PPP2R1A: variants seen among roughly 807,000 people sequenced by gnomAD.
PPP2R1A encodes the protein protein phosphatase 2 scaffold subunit Aalpha.
A neutral mutation model predicts 67.1 loss-of-function variants in PPP2R1A; 15 were observed. The ratio of observed to expected loss-of-function variants is 0.22; its 90% CI spans 0.15 to 0.34. The LOEUF is 0.34. PPP2R1A is among the 10% of genes least tolerant of loss of function. The pLI is 1.00. For synonymous variants in PPP2R1A, 337 were observed against 325.0 expected, an observed-to-expected ratio of 1.04 and a Z score of -0.40; for missense variants, 369 against 775.0, an observed-to-expected ratio of 0.48 and a Z score of 6.22.
At chr19:52,190,219 T>A (rs764514613) in intron 1 of PPP2R1A, 45 bp downstream of exon 1, 2 of 1,538,638 alleles carry the variant, frequency 1.3e-6, no homozygotes, top group South Asian at 2.4e-5. Flanking sequence ...GAGGGGTACC[T>A]GGGGGCACGG....
chr19:52,208,575 C>T (rs1338479480), intron 3 of PPP2R1A, among the ~76,000 whole-genome samples: 3 of 152,186 alleles, frequency 2.0e-5, no homozygotes, highest in East Asian at 1.9e-4. Flanking sequence ...TCTCAGCTCA[C>T]TGCAGCCTCT....
chr19:52,193,988 C>G (rs890352908), intron 1 of PPP2R1A, among the ~76,000 whole-genome samples: 5 of 150,296 alleles, frequency 3.3e-5, no homozygotes, highest in African/African-American at 1.2e-4. Context: ...ATGACACAGG[C>G]CTTGGTCCCA....
In PPP2R1A at chr19:52,228,535, A is replaced by C. The variant is rs936908125; in HGVS notation, c.*2554A>C. ...AAGTCCATTGTTAGGAGTGGTTCCT[A>C]ATCTCCCAGGCTGCAGGCTTTGTTT... On this transcript the variant is annotated 3_prime_UTR_variant, in exon 15 of 15. Coordinates refer to ENST00000322088, the MANE Select transcript of PPP2R1A (RefSeq NM_014225.6). 11 of 152,206 alleles carry C rather than the reference A, an allele frequency of 7.2e-5. No individual in the cohort carries two copies. The highest frequency in any genetic ancestry group is 7.2e-4 in the Admixed American group (11 of 15,274). 9.4% of individuals were successfully genotyped at this position (152,206 alleles called of 1,614,324 possible).
intron 3 of PPP2R1A, among the ~76,000 whole-genome samples, chr19:52,207,579 A>G (rs769447050): frequency 6.6e-6 from 1 of 152,234 alleles, no homozygotes; most frequent in African/African-American, 2.4e-5. Context: ...GTCAGCCAGC[A>G]GACACATCCT....
At chr19:52,198,754 A>T (rs990835528) in intron 1 of PPP2R1A, among the ~76,000 whole-genome samples, 2 of 152,142 alleles carry the variant, frequency 1.3e-5, no homozygotes, top group African/African-American at 4.8e-5. Context: ...GCCTGGCTTC[A>T]TTGCTTTCCA....
chr19:52,203,732 G>A (rs1178912709), intron 2 of PPP2R1A, among the ~76,000 whole-genome samples: 1 of 152,144 alleles, frequency 6.6e-6, no homozygotes, highest in African/African-American at 2.4e-5. Flanking sequence ...AGATCCCACA[G>A]ATTGATAGCT....
Position 52,211,836 on chromosome 19 carries a change from C to T in PPP2R1A, c.503+344C>T, listed in dbSNP as rs1451294323. 3.1e-6 allele frequency: 1 copy of T among 322,250 alleles called. No individual in the cohort carries two copies. The highest frequency in any genetic ancestry group is 2.2e-5 in the African/African-American group (1 of 46,366). 20.0% of individuals were successfully genotyped at this position (322,250 alleles called of 1,614,324 possible). On this transcript the variant is annotated intron_variant, in intron 4 of 14. Transcript: ENST00000322088. This position sits in a 1 kb window ranked among gnomAD's most constrained non-coding sequence, Gnocchi z 5.3. ...TTCAGCAACTTACATCTGATGGTAT[C>T]TCCAGCCTGTCCCAGGTCCAGTGCC...
chr19:52,215,753 C>A, intron 6 of PPP2R1A, 26 bp from the exon 7 acceptor site: 1 of 1,598,696 alleles, frequency 6.3e-7, no homozygotes, highest in Non-Finnish European at 8.6e-7. Context: ...CCCTCTCACT[C>A]TCCCCCTCCT....
At chr19:52,221,258 T>G in intron 12 of PPP2R1A, 125 bp downstream of exon 12, 1 of 1,360,546 alleles carries the variant, frequency 7.3e-7, no homozygotes, top group Non-Finnish European at 1.0e-6. Flanking sequence ...GTGCATCTTC[T>G]ATCCAGAGAT....
chr19:52,226,485 G>A lies in PPP2R1A; in HGVS notation c.*504G>A, dbSNP rs375942130. The A allele has an allele frequency of 3.8e-5, 9 of 239,828 alleles. No homozygotes were observed. Among genetic ancestry groups the A allele is most frequent in the Admixed American group, 5.3e-5 (1 of 18,814 alleles). 14.9% of individuals were successfully genotyped at this position (239,828 alleles called of 1,614,324 possible). A position where few individuals can be genotyped will look rare whatever the true frequency, so the allele number is the denominator to read the frequency against. ...ACCACCCCAGAGCCACAACATCTGCGCTTTTCTCTGGAGAAGATCTTGTTA... is the reference window on the plus strand; with the variant it reads ...ACCACCCCAGAGCCACAACATCTGCACTTTTCTCTGGAGAAGATCTTGTTA... On this transcript the variant is annotated 3_prime_UTR_variant, in exon 15 of 15. Coordinates refer to ENST00000322088, the MANE Select transcript of PPP2R1A (RefSeq NM_014225.6).
chr19:52,220,885 T>C (rs1007980845), intron 11 of PPP2R1A, 94 bp from the exon 12 acceptor site: 1 of 1,451,628 alleles, frequency 6.9e-7, no homozygotes, highest in Non-Finnish European at 9.5e-7. Flanking sequence ...ACCTAGGGGC[T>C]GCTTTGTAAG....
At chr19:52,195,896 C>T (rs949719744) in intron 1 of PPP2R1A, among the ~76,000 whole-genome samples, 24 of 152,090 alleles carry the variant, frequency 1.6e-4, no homozygotes, top group African/African-American at 5.6e-4. Context: ...ATTGATTAAA[C>T]CTGGTGATCA....
At chr19:52,194,088 C>CAAAAAAAAAAAAAAAAAAAAAA (rs915576804) in intron 1 of PPP2R1A, among the ~76,000 whole-genome samples, 11 of 60,510 alleles carry the variant, frequency 1.8e-4, no homozygotes, top group Admixed American at 4.0e-4. Flanking sequence ...ACCCTGTCTC[C>CAAAAAAAAAAAAAAAAAAAAAA]AAAAAAAAAA....
chr19:52,225,940 T>G, intron 14 of PPP2R1A, 25 bp from the exon 15 acceptor site: 1 of 1,614,202 alleles, frequency 6.2e-7, no homozygotes, highest in Non-Finnish European at 8.5e-7. Flanking sequence ...CTGGTTCTGA[T>G]TCTTGCCTGT....
intron 13 of PPP2R1A, among the ~76,000 whole-genome samples, chr19:52,224,503 C>T (rs1392188967): frequency 6.6e-6 from 1 of 152,154 alleles, no homozygotes; most frequent in Non-Finnish European, 1.5e-5. Flanking sequence ...TGTATTCACT[C>T]CTAATACATT....
chr19:52,201,413 C>T (rs533719013), intron 1 of PPP2R1A: 4 of 152,742 alleles, frequency 2.6e-5, no homozygotes, highest in Admixed American at 2.0e-4. Flanking sequence ...TTAAATCCTG[C>T]TCCATGTGAT....
chr19:52,222,130 C>T lies in PPP2R1A; in HGVS notation c.1550C>T (p.Thr517Ile). Residue 517 changes from threonine (T) to isoleucine (I), a missense_variant, in exon 13 of 15, where the codon ACC becomes ATC. By Grantham distance (89) the Thr-to-Ile change is moderately conservative. Coordinates refer to ENST00000322088, the MANE Select transcript of PPP2R1A (RefSeq NM_014225.6). ...TCTGAGGTCTGTGGGCAGGACATCA[C>T]CACCAAGCACATGCTACCCACGGTT... Reference protein sequence around the residue: ...VLSEVCGQDITTKHMLPTVLR... With the variant: ...VLSEVCGQDIITKHMLPTVLR... 1.9e-6 allele frequency: 3 copies of T among 1,613,810 alleles called. No homozygotes were observed. Among genetic ancestry groups the T allele is most frequent in the Non-Finnish European group, 2.5e-6 (3 of 1,179,876 alleles).
chr19:52,217,096 A>G (rs892729431), intron 9 of PPP2R1A, among the ~76,000 whole-genome samples: 1 of 152,208 alleles, frequency 6.6e-6, no homozygotes, highest in Non-Finnish European at 1.5e-5. Context: ...CAGCTAAGGC[A>G]GGAGTATCAC....
chr19:52,225,410 A>G (rs932982452), intron 13 of PPP2R1A, among the ~76,000 whole-genome samples: 25 of 152,224 alleles, frequency 1.6e-4, no homozygotes, highest in Non-Finnish European at 3.2e-4. Flanking sequence ...TAATGATCAA[A>G]TTAGGATAAT....
Sources: gnomAD v4.1 joint callset for allele counts (sites outside exome capture counted in the v4.1 genomes callset) on GRCh38, gnomAD v4.1.1 for gene constraint, Gnocchi (gnomAD v3.1) non-coding constraint, MANE v1.5 for transcripts, NCBI Gene and HGNC (gene_info 2026-07-23, HGNC 2026-07-21) for gene names.